Variants in CADM2 observed in about 807,000 individuals in gnomAD.
CADM2 encodes the protein immunoglobulin superfamily member 4D.
Under a neutral mutation model 49.8 loss-of-function variants are expected in CADM2, and 12 were observed. That is an observed-to-expected ratio of 0.24 (90% CI 0.15 to 0.39). CADM2 has a LOEUF of 0.39. Among genes scored for constraint, CADM2 ranks in the 10% least tolerant of loss-of-function variants. The probability of loss-of-function intolerance (pLI) is 1.00; values close to 1 mark genes in which losing one functional copy is unlikely to be tolerated. For missense variants in CADM2, 378 were observed against 492.3 expected (o/e 0.77, Z 2.20); for synonymous variants, 214 against 175.4 (o/e 1.22, Z -1.74).
chr3:85,709,328 GCTAT>G (rs561719802), intron 1 of CADM2, among the ~76,000 whole-genome samples: 193 of 152,184 alleles, frequency 1.3e-3, no homozygotes, highest in African/African-American at 4.3e-3. Context: ...AGGCTAAACT[GCTAT>G]CTATCTTTTT....
chr3:85,596,953 G>A (rs189698899), intron 1 of CADM2, among the ~76,000 whole-genome samples: 12 of 152,152 alleles, frequency 7.9e-5, no homozygotes, highest in Non-Finnish European at 1.5e-5. Context: ...CTGACCTCAA[G>A]TAATTCACCC....
At chr3:85,299,737 A>G (rs548303540) in intron 1 of CADM2, among the ~76,000 whole-genome samples, 70 of 152,022 alleles carry the variant, frequency 4.6e-4, no homozygotes, top group African/African-American at 1.6e-3. Flanking sequence ...TCTCTTATCT[A>G]TATTATTGAC....
At chr3:86,036,702 G>A in intron 8 of CADM2, among the ~76,000 whole-genome samples, 1 of 152,076 alleles carries the variant, frequency 6.6e-6, no homozygotes, top group East Asian at 1.9e-4. Flanking sequence ...CAGTGCCTCT[G>A]TCTCCTCAAC....
chr3:85,943,630 G>A lies in CADM2; in HGVS notation c.791+7773G>A, dbSNP rs545499409. ...AAAAGAACAAAGCTGGAGGCATCAC[G>A]CTACCTGACTTCAAACTATACTACA... On this transcript the variant is annotated intron_variant, in intron 7 of 9. Coordinates refer to ENST00000383699, the MANE Select transcript of CADM2 (RefSeq NM_001167675.2). Among the ~76,000 whole-genome samples, 8 of 151,964 alleles carry A rather than the reference G, an allele frequency of 5.3e-5. No homozygotes were observed. The East Asian group carries it at 9.7e-4, about 18-fold the overall frequency.
At chr3:86,025,752 C>T (rs948054302) in intron 8 of CADM2, among the ~76,000 whole-genome samples, 3 of 151,994 alleles carry the variant, frequency 2.0e-5, no homozygotes, top group Admixed American at 6.6e-5. Context: ...AATCATTTTA[C>T]AATAAGTATT....
chr3:86,037,631 A>T (rs889546178), intron 8 of CADM2, among the ~76,000 whole-genome samples: 1 of 152,242 alleles, frequency 6.6e-6, no homozygotes, highest in South Asian at 2.1e-4. Flanking sequence ...GTTTTACATG[A>T]ACAATCAATT....
chr3:85,534,043 A>G (rs10511076), intron 1 of CADM2, among the ~76,000 whole-genome samples: 77,914 of 152,066 alleles, frequency 0.51, 23,052 homozygotes, highest in East Asian at 0.85. Flanking sequence ...TGAAATCTCC[A>G]TATTTACTCA....
At chr3:85,130,833 C>T (rs1304465946) in intron 1 of CADM2, among the ~76,000 whole-genome samples, 3 of 152,108 alleles carry the variant, frequency 2.0e-5, no homozygotes, top group Non-Finnish European at 4.4e-5. Context: ...CGTTATTAAT[C>T]TGTAATAATT....
intron 1 of CADM2, among the ~76,000 whole-genome samples, chr3:85,097,072 A>G (rs1298175004): frequency 1.3e-5 from 2 of 152,148 alleles, no homozygotes; most frequent in Non-Finnish European, 2.9e-5. Context: ...ATATGTATAC[A>G]TGTGCCATGT....
intron 3 of CADM2, among the ~76,000 whole-genome samples, chr3:85,806,665 C>A (rs1299629808): frequency 1.3e-5 from 2 of 151,888 alleles, no homozygotes; most frequent in East Asian, 1.9e-4. Flanking sequence ...AACCCAGGAA[C>A]CGGAGGTTGC....
At chr3:85,401,276 C>A (rs372083644) in intron 1 of CADM2, among the ~76,000 whole-genome samples, 133 of 152,262 alleles carry the variant, frequency 8.7e-4, no homozygotes, top group African/African-American at 3.1e-3. Flanking sequence ...GGTGTTGAGT[C>A]ACTCATGGCA....
At chr3:85,399,691 C>T (rs2034996089) in intron 1 of CADM2, among the ~76,000 whole-genome samples, 1 of 152,174 alleles carries the variant, frequency 6.6e-6, no homozygotes, top group African/African-American at 2.4e-5. Flanking sequence ...AGGTCCTTCA[C>T]ATCTCTTGTA....
At chr3:85,319,285 C>G (rs2044543077) in intron 1 of CADM2, among the ~76,000 whole-genome samples, 1 of 152,000 alleles carries the variant, frequency 6.6e-6, no homozygotes, top group African/African-American at 2.4e-5. Context: ...ATTAAAAAGT[C>G]AAAAAGTAAC....
At chr3:85,118,053 CCCTGTACTAT>C (rs2107584101) in intron 1 of CADM2, among the ~76,000 whole-genome samples, 1 of 152,120 alleles carries the variant, frequency 6.6e-6, no homozygotes, top group East Asian at 1.9e-4. Flanking sequence ...TCGAACTCTT[CCCTGTACTAT>C]CCTACCCCTT....
chr3:85,524,845 G>A lies in CADM2; in HGVS notation c.62-201677G>A, dbSNP rs564196180. Among the ~76,000 whole-genome samples, 139 of 152,238 alleles carry A rather than the reference G, an allele frequency of 9.1e-4. 3 individuals carry two copies. The highest frequency in any genetic ancestry group is 1.7e-3 in the South Asian group (8 of 4,824). On this transcript the variant is annotated intron_variant, in intron 1 of 9. Coordinates refer to ENST00000383699, the MANE Select transcript of CADM2 (RefSeq NM_001167675.2). ...TCAATATTACATGTGTAAATCCTTA[G>A]TGTTTTTATGTCCTCCTGATGAACT...
At chr3:85,282,889 G>A (rs1421633922) in intron 1 of CADM2, among the ~76,000 whole-genome samples, 2 of 152,038 alleles carry the variant, frequency 1.3e-5, no homozygotes, top group East Asian at 1.9e-4. Flanking sequence ...ATACCTAGAG[G>A]AGAAGATTTG....
At chr3:85,461,943 C>T (rs57825132) in intron 1 of CADM2, among the ~76,000 whole-genome samples, 1,787 of 152,216 alleles carry the variant, frequency 0.012, 29 homozygotes, top group African/African-American at 0.041. Flanking sequence ...TCCGGACTTT[C>T]GCTGTTTCTG....
At chr3:85,996,190 T>A (rs2108724071) in intron 8 of CADM2, among the ~76,000 whole-genome samples, 1 of 151,372 alleles carries the variant, frequency 6.6e-6, no homozygotes, top group South Asian at 2.1e-4. Flanking sequence ...TTTGAAGATT[T>A]ATATTATTTA....
At chr3:85,108,042 C>T (rs1012412346) in intron 1 of CADM2, among the ~76,000 whole-genome samples, 2 of 152,042 alleles carry the variant, frequency 1.3e-5, no homozygotes, top group Non-Finnish European at 2.9e-5. Flanking sequence ...TACACAATTA[C>T]CATATGATCC....
Sources: gnomAD v4.1 joint callset for allele counts (sites outside exome capture counted in the v4.1 genomes callset) on GRCh38, gnomAD v4.1.1 for gene constraint, MANE v1.5 for transcripts, NCBI Gene and HGNC (gene_info 2026-07-23, HGNC 2026-07-21) for gene names.